Variants in CWF19L2 observed in about 807,000 individuals in gnomAD.
CWF19L2 encodes CWF19 like cell cycle control factor 2.
A neutral mutation model predicts 111.7 loss-of-function variants in CWF19L2; 98 were observed. The observed-to-expected ratio is 0.88, with a 90% CI of 0.75 to 1.04. The LOEUF is 1.04. Ranked by LOEUF, CWF19L2 falls within the 50% of genes least tolerant of loss-of-function variation. The probability of loss-of-function intolerance (pLI) is 0.00; values close to 1 mark genes in which losing one functional copy is unlikely to be tolerated. For missense variants in CWF19L2, 1,101 were observed against 1,051.4 expected (o/e 1.05, Z -0.65); for synonymous variants, 351 against 342.9 (o/e 1.02, Z -0.26).
intron 17 of CWF19L2, among the ~76,000 whole-genome samples, chr11:107,329,641 C>T (rs1859813408): frequency 6.6e-6 from 1 of 152,168 alleles, no homozygotes; most frequent in Non-Finnish European, 1.5e-5. Flanking sequence ...CAATTATCAT[C>T]ATTCTCAACA....
intron 3 of CWF19L2, among the ~76,000 whole-genome samples, chr11:107,444,566 C>A (rs988527465): frequency 6.6e-6 from 1 of 152,172 alleles, no homozygotes; most frequent in African/African-American, 2.4e-5. Flanking sequence ...TCCCTTTGGG[C>A]CATTAAATCC....
chr11:107,398,253 C>T (rs746544818), intron 10 of CWF19L2, among the ~76,000 whole-genome samples: 88 of 152,006 alleles, frequency 5.8e-4, no homozygotes, highest in Non-Finnish European at 1.0e-3. Flanking sequence ...CAGAGAAAGG[C>T]AAAGCCCAAT....
intron 13 of CWF19L2, among the ~76,000 whole-genome samples, chr11:107,350,057 A>C (rs1860135210): frequency 6.6e-6 from 1 of 152,194 alleles, no homozygotes; most frequent in South Asian, 2.1e-4. Context: ...AAAATCCCCT[A>C]AAATTGGTAT....
intron 10 of CWF19L2, among the ~76,000 whole-genome samples, chr11:107,396,896 CA>C (rs966694312): frequency 3.9e-4 from 59 of 152,162 alleles, no homozygotes; most frequent in Non-Finnish European, 7.2e-4. Context: ...ACATACCCCC[CA>C]ACTGGAGAAG....
Position 107,429,385 on chromosome 11 carries a change from T to C in CWF19L2, c.847A>G (p.Arg283Gly). ...GTGGGTTTCCTCCACCGTTCCCGTCTATAATCTTCTTTCGTGGATGCAGCT... is the reference window on the plus strand; with the variant it reads ...GTGGGTTTCCTCCACCGTTCCCGTCCATAATCTTCTTTCGTGGATGCAGCT... ...EKAASTKEDY[R>G]RERWRKPTYS... is the part of the protein sequence containing the mutation. Residue 283 changes from arginine to glycine, a missense_variant, in exon 8 of 18, where the codon AGA (arginine) becomes GGA (glycine). By Grantham distance (125) the Arg-to-Gly change is moderately radical (BLOSUM62 -2). Transcript: ENST00000282251. 6.3e-7 allele frequency: 1 copy of C among 1,587,132 alleles called. No homozygotes were observed.
chr11:107,389,558 C>T (rs759789259), intron 12 of CWF19L2, among the ~76,000 whole-genome samples: 1 of 152,068 alleles, frequency 6.6e-6, no homozygotes, highest in South Asian at 2.1e-4. Flanking sequence ...ACAAAGAATG[C>T]TATTTGAAAC....
rs1310116993 is a variant in CWF19L2 at position 107,371,771 on chromosome 11, C to A, written c.1873-18035G>T. Among the ~76,000 whole-genome samples the A allele has an allele frequency of 2.2e-5, 3 of 136,986 alleles. No individual in the cohort carries two copies. In the East Asian group the frequency reaches 6.3e-4, roughly 29 times the overall value. 89.9% of individuals were successfully genotyped at this position (136,986 alleles called of 152,430 possible). Reference sequence around the variant, plus strand: ...ATAAAACCTGAAGATGACAATTTCTCCGCAGCTCGGTCATTGCTGTCACCA... The same window carrying A: ...ATAAAACCTGAAGATGACAATTTCTACGCAGCTCGGTCATTGCTGTCACCA... On this transcript the variant is annotated intron_variant, in intron 12 of 17. Coordinates refer to ENST00000282251, the MANE Select transcript of CWF19L2 (RefSeq NM_152434.3).
At chr11:107,378,702 G>T (rs1860634124) in intron 12 of CWF19L2, among the ~76,000 whole-genome samples, 1 of 151,958 alleles carries the variant, frequency 6.6e-6, no homozygotes, top group Admixed American at 6.6e-5. Context: ...CACCAGCATG[G>T]CACATGTATA....
Position 107,433,638 on chromosome 11 carries a change from T to A in CWF19L2, c.776A>T (p.Tyr259Phe). 6.6e-7 allele frequency: 1 copy of A among 1,521,878 alleles called. No individual in the cohort carries two copies. The highest frequency in any genetic ancestry group is 8.9e-7 in the Non-Finnish European group (1 of 1,119,272). The allele number at this position is 1,521,878 out of a possible 1,614,324, so 94.3% of individuals were successfully genotyped here. A position where few individuals can be genotyped will look rare whatever the true frequency, so the allele number is the denominator to read the frequency against. Residue 259 changes from tyrosine (Y) to phenylalanine (F), a missense_variant, in exon 7 of 18, where the codon TAT (tyrosine) becomes TTT (phenylalanine). Physicochemically the swap from Tyr to Phe is conservative, Grantham distance 22 (BLOSUM62 3). Coordinates refer to ENST00000282251, the MANE Select transcript of CWF19L2 (RefSeq NM_152434.3). ...RNFEDIVAERYGSMEIFQSKL... is the reference protein window; with the variant it reads ...RNFEDIVAERFGSMEIFQSKL... ...CTCCTTAAAACAGATACTCACCCCA[T>A]ATCTTTCGGCTACAATGTCCTCAAA...
At chr11:107,334,075 C>T (rs1215994137) in intron 16 of CWF19L2, among the ~76,000 whole-genome samples, 1 of 152,148 alleles carries the variant, frequency 6.6e-6, no homozygotes, top group Non-Finnish European at 1.5e-5. Flanking sequence ...CTTGAGTTGC[C>T]AACCCCAGCA....
intron 12 of CWF19L2, among the ~76,000 whole-genome samples, chr11:107,355,253 T>C (rs144985104): frequency 0.013 from 1,970 of 151,920 alleles, 25 homozygotes; most frequent in South Asian, 0.039. Flanking sequence ...CCGTCTTTAC[T>C]AAAAATACAA....
chr11:107,429,538 C>A (rs1405481494), intron 7 of CWF19L2, 87 bp from the exon 8 acceptor site: 3 of 1,024,034 alleles, frequency 2.9e-6, no homozygotes, highest in Non-Finnish European at 4.2e-6. Flanking sequence ...TGACTCACTG[C>A]CAAGTGGCAC....
At chr11:107,422,848 A>G (rs1861320803) in intron 8 of CWF19L2, among the ~76,000 whole-genome samples, 1 of 151,964 alleles carries the variant, frequency 6.6e-6, no homozygotes, top group African/African-American at 2.4e-5. Context: ...GACAGATAGC[A>G]TTGGAATAAA....
intron 3 of CWF19L2, among the ~76,000 whole-genome samples, chr11:107,453,649 A>G (rs1389426723): frequency 2.0e-5 from 3 of 151,340 alleles, no homozygotes; most frequent in Non-Finnish European, 4.4e-5. Context: ...TCTGCTTGAG[A>G]AAAGTAAAGG....
intron 12 of CWF19L2, among the ~76,000 whole-genome samples, chr11:107,362,154 A>G (rs1223456483): frequency 1.3e-5 from 2 of 151,978 alleles, no homozygotes; most frequent in Non-Finnish European, 2.9e-5. Context: ...TATATCCCGC[A>G]CCTGGCTCGG....
chr11:107,392,822 C>G lies in CWF19L2; in HGVS notation c.1691G>C (p.Gly564Ala). 6.3e-7 allele frequency: 1 copy of G among 1,596,840 alleles called. No homozygotes were observed. Among genetic ancestry groups the G allele is most frequent in the Non-Finnish European group, 8.5e-7 (1 of 1,173,958 alleles). The part of the protein sequence containing the change: ...SGRVWPVNTP[G>A]KSLESQGGRR... ...TCCTCCTTGTGATTCCAGAGATTTT[C>G]CGGGTGTGTTCACAGGCCATACTCT... Residue 564 changes from glycine (G) to alanine (A), a missense_variant, in exon 11 of 18, where the codon GGA becomes GCA. Gly to Ala is a moderately conservative substitution (Grantham distance 60). Coordinates refer to ENST00000282251, the MANE Select transcript of CWF19L2 (RefSeq NM_152434.3).
chr11:107,349,105 A>G, intron 13 of CWF19L2, 52 bp from the exon 14 acceptor site: 2 of 903,452 alleles, frequency 2.2e-6, no homozygotes, highest in South Asian at 3.5e-5. Context: ...TATATGTTAT[A>G]TATTTATATG....
chr11:107,353,721 C>G lies in CWF19L2; in HGVS notation c.1888G>C (p.Asp630His), dbSNP rs1860192749. The change falls in exon 13 of 18, where the codon GAT becomes CAT. Residue 630 changes from aspartate to histidine, a missense_variant. Asp to His is a moderately conservative substitution (Grantham distance 81, BLOSUM62 -1). Transcript: ENST00000282251. ...TCATCCAGGGTGTAATAGTCTCCAT[C>G]TGTTTTTCCCATAAACTGAAAAACC... ...RMASKFMGKT[D>H]GDYYTLDDMF... The G allele has an allele frequency of 1.2e-6, 2 of 1,613,668 alleles. No homozygotes were observed. Among genetic ancestry groups the G allele is most frequent in the Non-Finnish European group, 8.5e-7 (1 of 1,179,710 alleles).
At chr11:107,382,679 G>C (rs116851554) in intron 12 of CWF19L2, among the ~76,000 whole-genome samples, 4 of 152,152 alleles carry the variant, frequency 2.6e-5, no homozygotes, top group Non-Finnish European at 5.9e-5. Flanking sequence ...TATGATATGC[G>C]TTGGTTTTCA....
Sources: gnomAD v4.1 joint callset for allele counts (sites outside exome capture counted in the v4.1 genomes callset) on GRCh38, gnomAD v4.1.1 for gene constraint, MANE v1.5 for transcripts, NCBI Gene and HGNC (gene_info 2026-07-23, HGNC 2026-07-21) for gene names.